ARHGAP39: variants seen among roughly 807,000 people sequenced by gnomAD.
The protein encoded by ARHGAP39 is Rho GTPase activating protein 39.
In ARHGAP39, 44 loss-of-function variants were observed where a neutral mutation model predicts 106.9. The ratio of observed to expected loss-of-function variants is 0.41; its 90% CI spans 0.32 to 0.53. The LOEUF (loss-of-function observed/expected upper bound fraction) is 0.53. Ranked by LOEUF, ARHGAP39 falls within the 20% of genes least tolerant of loss-of-function variation. The pLI is 0.21. For missense variants in ARHGAP39, 1,496 were observed against 1,577.3 expected (o/e 0.95, Z 0.87); for synonymous variants, 768 against 693.2 (o/e 1.11, Z -1.69).
intron 1 of ARHGAP39, among the ~76,000 whole-genome samples, chr8:144,667,241 GC>G (rs1821987574): frequency 6.6e-6 from 1 of 152,130 alleles, no homozygotes; most frequent in South Asian, 2.1e-4. Flanking sequence ...CTCACAGGCT[GC>G]CCTCCAGCAC....
intron 3 of ARHGAP39, among the ~76,000 whole-genome samples, chr8:144,561,520 C>T (rs1370744327): frequency 6.6e-6 from 1 of 151,464 alleles, no homozygotes; most frequent in African/African-American, 2.4e-5. Flanking sequence ...CAGTGGTTTC[C>T]ATCAGACCCC....
At position 144,531,387 on chromosome 8, in the gene ARHGAP39, G is replaced by A. The variant is rs60955459; in HGVS notation, c.2981-516C>T. On this transcript the variant is annotated intron_variant, in intron 10 of 11. Coordinates refer to ENST00000377307, the MANE Select transcript of ARHGAP39 (RefSeq NM_025251.3). ...GGGCAGCGAGCAGCAGGTGGGGAGT[G>A]GGCTAGACATAGCAGGCACGGCAGA... Among the ~76,000 whole-genome samples the A allele has an allele frequency of 0.02, 28 of 1,406 alleles. 6 individuals are homozygous for A. The African/African-American group carries it at 0.2, about 10-fold the overall frequency. 0.9% of individuals were successfully genotyped at this position (1,406 alleles called of 152,430 possible). A position where few individuals can be genotyped will look rare whatever the true frequency, so the allele number is the denominator to read the frequency against.
intron 1 of ARHGAP39, among the ~76,000 whole-genome samples, chr8:144,622,690 A>G (rs1460262661): frequency 6.6e-6 from 1 of 152,256 alleles, no homozygotes; most frequent in Non-Finnish European, 1.5e-5. Context: ...ACCAGGTAAG[A>G]TATATTTTTA....
intron 1 of ARHGAP39, among the ~76,000 whole-genome samples, chr8:144,624,376 G>T (rs981533598): frequency 1.3e-4 from 20 of 152,150 alleles, no homozygotes; most frequent in African/African-American, 4.8e-4. Context: ...GAGGAAGCAT[G>T]AAATCCACAA....
chr8:144,530,284 C>T lies in ARHGAP39; in HGVS notation c.*138G>A. 1 of 959,940 alleles carries T rather than the reference C, an allele frequency of 1.0e-6. No individual in the cohort carries two copies. Among genetic ancestry groups the T allele is most frequent in the Non-Finnish European group, 1.5e-6 (1 of 661,346 alleles). 59.5% of individuals were successfully genotyped at this position (959,940 alleles called of 1,614,324 possible). A position where few individuals can be genotyped will look rare whatever the true frequency, so the allele number is the denominator to read the frequency against. On this transcript the variant is annotated 3_prime_UTR_variant, in exon 12 of 12. Transcript: ENST00000377307. Reference sequence around the variant, plus strand: ...ACCAGGCAGAAGACGTGGGGAGCGCCGGGGCCAGGGGCCTGGGGGAGTGGA... The same window carrying T: ...ACCAGGCAGAAGACGTGGGGAGCGCTGGGGCCAGGGGCCTGGGGGAGTGGA...
the ARHGAP39 span, among the ~76,000 whole-genome samples, chr8:144,694,037 A>G: frequency 1.3e-5 from 2 of 152,172 alleles, no homozygotes; most frequent in Non-Finnish European, 2.9e-5. Flanking sequence ...AAAGGCCCTG[A>G]GGCAGGAATG....
the ARHGAP39 span, among the ~76,000 whole-genome samples, chr8:144,695,439 A>G: frequency 6.7e-6 from 1 of 148,474 alleles, no homozygotes; most frequent in Non-Finnish European, 1.5e-5. Flanking sequence ...TTCATTGACA[A>G]GGACACCGAG....
intron 3 of ARHGAP39, among the ~76,000 whole-genome samples, chr8:144,576,162 G>C (rs1409001893): frequency 1.3e-5 from 2 of 151,792 alleles, no homozygotes; most frequent in African/African-American, 4.8e-5. Context: ...GTGAAACCGT[G>C]TCTCTACTAA....
At chr8:144,675,922 C>T (rs564073762) in intron 1 of ARHGAP39, among the ~76,000 whole-genome samples, 23 of 152,180 alleles carry the variant, frequency 1.5e-4, no homozygotes, top group East Asian at 5.8e-4. Context: ...GTGAGTGTTA[C>T]GGTTCATGAA....
chr8:144,530,863 G>A lies in ARHGAP39; in HGVS notation c.2989C>T (p.Leu997=). 3 of 1,609,058 alleles carry A rather than the reference G, an allele frequency of 1.9e-6. No homozygotes were observed. Among genetic ancestry groups the A allele is most frequent in the South Asian group, 1.1e-5 (1 of 90,970 alleles). ...LEDPHVPASL[L]KLWYRELEEP... ...TCCAGCTCCCGGTACCACAGCTTCA[G>A]CAGGGACGCTGGGGACACAGCACGG... The change falls in exon 11 of 12, where the codon CTG becomes TTG. Residue 997 remains leucine (L), a synonymous_variant. Coordinates refer to ENST00000377307, the MANE Select transcript of ARHGAP39 (RefSeq NM_025251.3).
intron 11 of ARHGAP39, 42 bp downstream of exon 11, chr8:144,530,660 C>T: frequency 1.7e-5 from 4 of 231,810 alleles, no homozygotes; most frequent in Admixed American, 1.3e-4. Flanking sequence ...GGGGGCGGGG[C>T]GGGGAGGGGA....
chr8:144,593,488 G>A (rs1002252120), intron 2 of ARHGAP39, among the ~76,000 whole-genome samples: 3 of 152,146 alleles, frequency 2.0e-5, no homozygotes, highest in African/African-American at 4.8e-5. Flanking sequence ...TAGAATAGAC[G>A]GGGCGGCTCT....
chr8:144,598,086 C>A (rs758907320), intron 2 of ARHGAP39, among the ~76,000 whole-genome samples: 2 of 152,206 alleles, frequency 1.3e-5, no homozygotes, highest in Admixed American at 6.5e-5. Context: ...GTAGGAGCTC[C>A]GTGGTGGGGA....
At chr8:144,545,911 C>G in intron 5 of ARHGAP39, 101 bp from the exon 6 acceptor site, 2 of 1,033,416 alleles carry the variant, frequency 1.9e-6, no homozygotes, top group South Asian at 1.7e-5. Context: ...GGGGCCCCAC[C>G]AGAGCCAGCC....
chr8:144,549,783 G>A (rs1037863738), intron 4 of ARHGAP39, among the ~76,000 whole-genome samples: 1 of 152,056 alleles, frequency 6.6e-6, no homozygotes, highest in African/African-American at 2.4e-5. Context: ...GTGAGCCACC[G>A]CGCCCAGCCC....
At chr8:144,584,414 T>C (rs1301000194) in intron 2 of ARHGAP39, among the ~76,000 whole-genome samples, 1 of 152,060 alleles carries the variant, frequency 6.6e-6, no homozygotes, top group Non-Finnish European at 1.5e-5. Flanking sequence ...GATCTTAGGA[T>C]AGCTTGTTAA....
At position 144,588,268 on chromosome 8, in the gene ARHGAP39, C is replaced by T. The variant is rs540225096; in HGVS notation, c.81-6991G>A. Among the ~76,000 whole-genome samples, 14 of 152,336 alleles carry T rather than the reference C, an allele frequency of 9.2e-5. 1 individual carries two copies. The South Asian group carries it at 2.1e-3, about 23-fold the overall frequency. On this transcript the variant is annotated intron_variant, in intron 2 of 11. Transcript: ENST00000377307. ...CGAGGGCTCCTGAGCACGCATCCTG[C>T]GTGAGGGAACCAGGCAGGGGCCTGC...
rs980828183 is a variant in ARHGAP39 at position 144,562,404 on chromosome 8, G to A, written c.513-6761C>T. On this transcript the variant is annotated intron_variant, in intron 3 of 11. Transcript: ENST00000377307. ...CCATCGCGCTCCAGTGGTTTCCATC[G>A]CGCTCCAGTGGTTTCCATCGGACCC... Among the ~76,000 whole-genome samples the A allele has an allele frequency of 1.5e-4, 21 of 143,072 alleles. 1 individual carries two copies. Among genetic ancestry groups the A allele is most frequent in the African/African-American group, 2.9e-4 (11 of 37,450 alleles). The allele number at this position is 143,072 out of a possible 152,430, so 93.9% of individuals were successfully genotyped here. A position where few individuals can be genotyped will look rare whatever the true frequency, so the allele number is the denominator to read the frequency against.
At chr8:144,597,310 G>A (rs772618326) in intron 2 of ARHGAP39, among the ~76,000 whole-genome samples, 1 of 152,214 alleles carries the variant, frequency 6.6e-6, no homozygotes, top group Admixed American at 6.5e-5. Flanking sequence ...CAGCCACACC[G>A]CCCTACGCCT....
Sources: gnomAD v4.1 joint callset for allele counts (sites outside exome capture counted in the v4.1 genomes callset) on GRCh38, gnomAD v4.1.1 for gene constraint, MANE v1.5 for transcripts, NCBI Gene and HGNC (gene_info 2026-07-23, HGNC 2026-07-21) for gene names.